Variants in RIMKLB observed in about 807,000 individuals in gnomAD.
RIMKLB encodes ribosomal modification protein rimK like family member B.
RIMKLB carries 7 observed loss-of-function variants against 32.0 expected under a neutral mutation model. The ratio of observed to expected loss-of-function variants is 0.22; its 90% confidence interval spans 0.12 to 0.41. RIMKLB has a LOEUF of 0.41. RIMKLB is among the 10% of genes least tolerant of loss of function. The pLI is 1.00. For missense variants in RIMKLB, 289 were observed against 498.7 expected, an observed-to-expected ratio of 0.58 and a Z score of 4.00; for synonymous variants, 172 against 185.1, an observed-to-expected ratio of 0.93 and a Z score of 0.57.
the RIMKLB span, among the ~76,000 whole-genome samples, chr12:8,673,775 T>G: frequency 6.6e-6 from 1 of 152,108 alleles, no homozygotes; most frequent in East Asian, 1.9e-4. Flanking sequence ...TTTGTATTTT[T>G]TAGTAGAGAT....
intron 1 of RIMKLB, among the ~76,000 whole-genome samples, chr12:8,690,581 C>T (rs930515350): frequency 2.0e-5 from 3 of 152,182 alleles, no homozygotes; most frequent in South Asian, 2.1e-4. Context: ...TGAGTGACTT[C>T]GGACAAGTTA....
chr12:8,756,104 A>G (rs1948999317), intron 5 of RIMKLB, among the ~76,000 whole-genome samples: 1 of 151,260 alleles, frequency 6.6e-6, no homozygotes, highest in African/African-American at 2.4e-5. Context: ...CAGTGAGTCA[A>G]GATTGCACCA....
intron 1 of RIMKLB, chr12:8,700,558 A>T (rs1217784427): frequency 6.6e-6 from 1 of 152,206 alleles, no homozygotes; most frequent in Non-Finnish European, 1.5e-5. Flanking sequence ...TGGAGGAAGA[A>T]CTTCTATACC....
intron 5 of RIMKLB, among the ~76,000 whole-genome samples, chr12:8,770,923 CA>C (rs1442566138): frequency 1.3e-5 from 2 of 152,312 alleles, no homozygotes; most frequent in East Asian, 3.9e-4. Context: ...TACAGCAACT[CA>C]CAGAACTCAA....
chr12:8,775,846 T>A lies in RIMKLB; in HGVS notation c.*2062T>A. The stretch of plus-strand genomic sequence containing the variant: ...TTTATCTTAGGATATTCTAATTGCA[T>A]TTAAAAGAACTTATCTTGCGCAGGG... On this transcript the variant is annotated 3_prime_UTR_variant, in exon 6 of 6. Coordinates refer to ENST00000535829, the MANE Select transcript of RIMKLB (RefSeq NM_001297776.2). 1 of 985,104 alleles carries A rather than the reference T, an allele frequency of 1.0e-6. No individual in the cohort carries two copies. Among genetic ancestry groups the A allele is most frequent in the Non-Finnish European group, 1.2e-6 (1 of 829,600 alleles). The allele number at this position is 985,104 out of a possible 1,614,324, so 61.0% of individuals were successfully genotyped here.
At chr12:8,759,285 C>T (rs1949324620) in intron 5 of RIMKLB, among the ~76,000 whole-genome samples, 1 of 152,118 alleles carries the variant, frequency 6.6e-6, no homozygotes, top group South Asian at 2.1e-4. Flanking sequence ...GTCCCAGCTA[C>T]TCAGGAGGCT....
At chr12:8,718,657 ATATATATATATATGTGTGTGTG>A (rs1247576564) in intron 2 of RIMKLB, among the ~76,000 whole-genome samples, 4 of 133,538 alleles carry the variant, frequency 3.0e-5, no homozygotes, top group African/African-American at 1.3e-4. Flanking sequence ...CTCTCTCTAT[ATATATATATATATGTGTGTGTG>A]TGTGTGTGTG....
upstream of RIMKLB, among the ~76,000 whole-genome samples, chr12:8,693,674 A>C (rs59449904): frequency 3.9e-4 from 59 of 152,058 alleles, no homozygotes; most frequent in African/African-American, 1.4e-3. Flanking sequence ...CTGGGATTAC[A>C]CATGGGAGAC....
intron 2 of RIMKLB, among the ~76,000 whole-genome samples, chr12:8,732,821 G>T (rs1046916702): frequency 6.6e-6 from 1 of 151,112 alleles, no homozygotes; most frequent in Non-Finnish European, 1.5e-5. Flanking sequence ...CATACACATT[G>T]CTCTGAATAT....
intron 2 of RIMKLB, among the ~76,000 whole-genome samples, chr12:8,745,929 AG>A (rs903801489): frequency 2.0e-5 from 3 of 151,524 alleles, no homozygotes; most frequent in African/African-American, 4.9e-5. Flanking sequence ...TCCTGACCTC[AG>A]GTGATCCACC....
intron 5 of RIMKLB, among the ~76,000 whole-genome samples, chr12:8,765,689 A>G (rs1949901279): frequency 6.6e-6 from 1 of 152,070 alleles, no homozygotes; most frequent in African/African-American, 2.4e-5. Flanking sequence ...TAATCGGGAA[A>G]TATTGGCACT....
intron 2 of RIMKLB, among the ~76,000 whole-genome samples, chr12:8,718,663 ATATATATGTG>A (rs1212438905): frequency 3.6e-4 from 42 of 116,134 alleles, no homozygotes; most frequent in Admixed American, 9.3e-4. Context: ...CTATATATAT[ATATATATGTG>A]TGTGTGTGTG....
At chr12:8,740,377 C>A (rs891462101) in intron 2 of RIMKLB, among the ~76,000 whole-genome samples, 1 of 152,072 alleles carries the variant, frequency 6.6e-6, no homozygotes, top group East Asian at 1.9e-4. Context: ...TTTTGGAGAA[C>A]AGGTGGTGTT....
In RIMKLB at chr12:8,775,597, T is replaced by C; in HGVS notation, c.*1813T>C. ...TACTAGAGAGACTTCGAGGCAATAA[T>C]AAAAGATCAGTATTAACCAGCTATA... On this transcript the variant is annotated 3_prime_UTR_variant, in exon 6 of 6. Transcript: ENST00000535829. 3.0e-6 allele frequency: 3 copies of C among 985,746 alleles called. No homozygotes were observed. The highest frequency in any genetic ancestry group is 3.6e-6 in the Non-Finnish European group (3 of 829,824). The allele number at this position is 985,746 out of a possible 1,614,324, so 61.1% of individuals were successfully genotyped here. A position where few individuals can be genotyped will look rare whatever the true frequency, so the allele number is the denominator to read the frequency against.
At position 8,708,109 on chromosome 12, in the gene RIMKLB, A is replaced by T. The variant is rs1012804112; in HGVS notation, c.-56-5702A>T. On this transcript the variant is annotated intron_variant, in intron 1 of 5. Transcript: ENST00000535829. Reference sequence around the variant, plus strand: ...TACAATAGAGTTCTATACAGATTCCATTATGTGTTACAGTAGAGTTCTATA... The same window carrying T: ...TACAATAGAGTTCTATACAGATTCCTTTATGTGTTACAGTAGAGTTCTATA... 4.6e-5 allele frequency among the ~76,000 whole-genome samples: 7 copies of T among 152,162 alleles called. No individual in the cohort carries two copies. In the East Asian group the frequency reaches 1.3e-3, roughly 29 times the overall value.
At chr12:8,777,608 AAAC>A, downstream of RIMKLB, 1 of 1,288,886 alleles carries the variant, frequency 7.8e-7, no homozygotes, top group Non-Finnish European at 1.0e-6. Context: ...GGAGCCAAAA[AAAC>A]AAATACAAAC....
chr12:8,753,136 AACTGGAACTATTG>A (rs1179065430), intron 4 of RIMKLB, among the ~76,000 whole-genome samples: 1 of 152,206 alleles, frequency 6.6e-6, no homozygotes, highest in Non-Finnish European at 1.5e-5. Flanking sequence ...ATCAGAGTTC[AACTGGAACTATTG>A]ACTGGATTCT....
At chr12:8,710,965 CAAAAAAAAA>C (rs748394546) in intron 1 of RIMKLB, among the ~76,000 whole-genome samples, 5 of 65,768 alleles carry the variant, frequency 7.6e-5, no homozygotes, top group Admixed American at 1.7e-4. Flanking sequence ...ACATCTTTAC[CAAAAAAAAA>C]AAAAAAAAAA....
rs1445885171 is a variant in RIMKLB at position 8,727,235 on chromosome 12, GTTA to G, written c.175+13200_175+13202del. Among the ~76,000 whole-genome samples the G allele has an allele frequency of 2.4e-3, 358 of 152,200 alleles. 4 individuals are homozygous for G. The highest frequency in any genetic ancestry group is 8.3e-3 in the African/African-American group (344 of 41,530). On this transcript the variant is annotated intron_variant, in intron 2 of 5. Coordinates refer to ENST00000535829, the MANE Select transcript of RIMKLB (RefSeq NM_001297776.2). ...GGCACTTTGGTTTGTTGTTGTTGTT[GTTA>G]TTATTGTTGTTTTTGAGAGAGACAG...
Sources: gnomAD v4.1 joint callset for allele counts (sites outside exome capture counted in the v4.1 genomes callset) on GRCh38, gnomAD v4.1.1 for gene constraint, MANE v1.5 for transcripts, NCBI Gene and HGNC (gene_info 2026-07-23, HGNC 2026-07-21) for gene names.